The following CMKLR1 variants were observed in gnomAD, a reference collection of about 807,000 sequenced individuals.
The protein encoded by CMKLR1 is chemerin chemokine-like receptor 1.
Under a neutral mutation model 8.2 loss-of-function variants are expected in CMKLR1, and 6 were observed. The observed-to-expected ratio is 0.73, with a 90% confidence interval of 0.40 to 1.44. The LOEUF is 1.44. Ranked by LOEUF, CMKLR1 falls within the 40% of genes most tolerant of loss-of-function variation. The probability of loss-of-function intolerance (pLI) is 0.02; values close to 1 mark genes in which losing one functional copy is unlikely to be tolerated. For missense variants in CMKLR1, 429 were observed against 478.0 expected (o/e 0.90, Z 0.96); for synonymous variants, 178 against 181.2 (o/e 0.98, Z 0.14).
chr12:108,325,401 T>C (rs11113820), intron 2 of CMKLR1, among the ~76,000 whole-genome samples: 4,788 of 152,274 alleles, frequency 0.031, 107 homozygotes, highest in Middle Eastern at 0.058. Context: ...GCTCAGGCTG[T>C]ACACTCACTA....
intron 2 of CMKLR1, among the ~76,000 whole-genome samples, chr12:108,311,102 G>C (rs998508718): frequency 9.9e-5 from 15 of 152,144 alleles, no homozygotes; most frequent in African/African-American, 2.7e-4. Context: ...TCCACCATCA[G>C]GGTCCTGCTT....
At chr12:108,301,717 C>T (rs569891502) in intron 2 of CMKLR1, among the ~76,000 whole-genome samples, 24 of 152,296 alleles carry the variant, frequency 1.6e-4, no homozygotes, top group Middle Eastern at 3.4e-3. Context: ...ATTTTACAGA[C>T]GAGGAGACTG....
intron 1 of CMKLR1, among the ~76,000 whole-genome samples, chr12:108,337,506 T>C (rs576076402): frequency 5.9e-5 from 9 of 152,226 alleles, no homozygotes; most frequent in East Asian, 1.9e-4. Context: ...GCCTCCCGGC[T>C]AGAAGGAGAG....
chr12:108,325,160 A>C (rs1401850271), intron 2 of CMKLR1, among the ~76,000 whole-genome samples: 12 of 152,204 alleles, frequency 7.9e-5, no homozygotes, highest in Admixed American at 7.9e-4. Context: ...AGTTGTCCCC[A>C]GCATTTCCAG....
chr12:108,324,658 C>T (rs1446155276), intron 2 of CMKLR1, among the ~76,000 whole-genome samples: 1 of 152,156 alleles, frequency 6.6e-6, no homozygotes, highest in Admixed American at 6.5e-5. Flanking sequence ...AGCATGTGCC[C>T]TCAAAATAAT....
At chr12:108,329,523 C>G (rs538141061) in intron 2 of CMKLR1, among the ~76,000 whole-genome samples, 9 of 152,330 alleles carry the variant, frequency 5.9e-5, no homozygotes, top group Non-Finnish European at 1.2e-4. Context: ...ACTTTGCACA[C>G]TAAATGTATC....
chr12:108,328,327 C>T (rs1892030931), intron 2 of CMKLR1, among the ~76,000 whole-genome samples: 1 of 152,234 alleles, frequency 6.6e-6, no homozygotes, highest in Non-Finnish European at 1.5e-5. Flanking sequence ...TCCCGCATCC[C>T]TTCCCCACCA....
intron 2 of CMKLR1, among the ~76,000 whole-genome samples, chr12:108,304,346 C>T (rs1397824824): frequency 6.6e-6 from 1 of 152,186 alleles, no homozygotes; most frequent in East Asian, 1.9e-4. Context: ...TGTTCCCCTG[C>T]CGGTGTGTGT....
At chr12:108,310,198 T>TGTGG (rs56981368) in intron 2 of CMKLR1, among the ~76,000 whole-genome samples, 1 of 139,222 alleles carries the variant, frequency 7.2e-6, no homozygotes, top group East Asian at 2.0e-4. Flanking sequence ...TGTGTGTGTG[T>TGTGG]TAGGGGAGGG....
intron 2 of CMKLR1, among the ~76,000 whole-genome samples, chr12:108,305,294 G>A (rs11609374): frequency 0.54 from 82,857 of 152,050 alleles, 22,777 homozygotes; most frequent in South Asian, 0.61. Context: ...GAGAGGTGAA[G>A]TGACTAGTCC....
chr12:108,318,359 G>C (rs1036419137), intron 2 of CMKLR1, among the ~76,000 whole-genome samples: 3 of 152,182 alleles, frequency 2.0e-5, no homozygotes, highest in Non-Finnish European at 2.9e-5. Context: ...GAGCCACTTA[G>C]ACCTTCAGTC....
At chr12:108,303,999 A>G (rs535407434) in intron 2 of CMKLR1, among the ~76,000 whole-genome samples, 1 of 152,276 alleles carries the variant, frequency 6.6e-6, no homozygotes, top group South Asian at 2.1e-4. Context: ...CTAACCCTGC[A>G]AGGTCACTGG....
chr12:108,327,545 C>G (rs1463976903), intron 2 of CMKLR1, among the ~76,000 whole-genome samples: 1 of 152,228 alleles, frequency 6.6e-6, no homozygotes, highest in Non-Finnish European at 1.5e-5. Flanking sequence ...CATCATCTCT[C>G]TGGGCCTCCA....
chr12:108,332,926 G>A (rs546404077), intron 1 of CMKLR1, among the ~76,000 whole-genome samples: 1 of 152,070 alleles, frequency 6.6e-6, no homozygotes, highest in African/African-American at 2.4e-5. Flanking sequence ...AATGAGCTGT[G>A]ATCATGTCAC....
intron 2 of CMKLR1, among the ~76,000 whole-genome samples, chr12:108,325,656 A>G (rs1165909244): frequency 6.6e-6 from 1 of 152,172 alleles, no homozygotes; most frequent in Non-Finnish European, 1.5e-5. Context: ...CACCCATTTT[A>G]CAGATGAGGA....
At chr12:108,298,438 C>A (rs1431050063) in intron 2 of CMKLR1, among the ~76,000 whole-genome samples, 2 of 152,172 alleles carry the variant, frequency 1.3e-5, no homozygotes. Context: ...TGGGTTTGCT[C>A]TGACTATGAG....
At chr12:108,334,800 A>G (rs74380360) in intron 1 of CMKLR1, among the ~76,000 whole-genome samples, 5,874 of 152,276 alleles carry the variant, frequency 0.039, 377 homozygotes, top group African/African-American at 0.13. Flanking sequence ...TTATTCACCT[A>G]TAAAATGGGG....
At chr12:108,300,997 T>C (rs1476712450) in intron 2 of CMKLR1, among the ~76,000 whole-genome samples, 1 of 151,424 alleles carries the variant, frequency 6.6e-6, no homozygotes, top group Non-Finnish European at 1.5e-5. Context: ...GTTCCATCAC[T>C]GTAGAGCAGA....
At chr12:108,325,958 C>A (rs1566029181) in intron 2 of CMKLR1, among the ~76,000 whole-genome samples, 1 of 152,166 alleles carries the variant, frequency 6.6e-6, no homozygotes, top group Admixed American at 6.5e-5. Flanking sequence ...CCACTCCTAC[C>A]CCCAGGCTCT....
Sources: allele counts gnomAD v4.1 joint callset (sites outside exome capture counted in the v4.1 genomes callset), GRCh38; gene constraint gnomAD v4.1.1; transcripts MANE v1.5; gene names NCBI Gene and HGNC (gene_info 2026-07-23, HGNC 2026-07-21).